FBXO25: variants seen among roughly 807,000 people sequenced by gnomAD.
The protein encoded by FBXO25 is F-box only protein 25.
FBXO25 carries 45 observed loss-of-function variants against 51.9 expected under a neutral mutation model. That is an observed-to-expected ratio of 0.87 (90% CI 0.68 to 1.11). The LOEUF is 1.11. Ranked by LOEUF, FBXO25 falls within the 50% of genes most tolerant of loss-of-function variation. The pLI, the probability that FBXO25 is intolerant of heterozygous loss-of-function variation, is 0.00. For synonymous variants in FBXO25, 199 were observed against 151.0 expected, an observed-to-expected ratio of 1.32 and a Z score of -2.33; for missense variants, 507 against 428.5, an observed-to-expected ratio of 1.18 and a Z score of -1.62.
At chr8:439,471 A>T (rs1585051705) in intron 5 of FBXO25, among the ~76,000 whole-genome samples, 4 of 152,260 alleles carry the variant, frequency 2.6e-5, no homozygotes, top group African/African-American at 9.6e-5. Context: ...TGGTTATTTG[A>T]TAAATTATCT....
chr8:455,708 C>CA (rs1393644224), intron 7 of FBXO25, among the ~76,000 whole-genome samples: 3 of 152,182 alleles, frequency 2.0e-5, no homozygotes, highest in African/African-American at 7.2e-5. Flanking sequence ...GCAAGAGAAG[C>CA]AGCAGCATCG....
At chr8:431,858 T>A (rs1326559247) in intron 3 of FBXO25, among the ~76,000 whole-genome samples, 1 of 152,122 alleles carries the variant, frequency 6.6e-6, no homozygotes, top group Non-Finnish European at 1.5e-5. Context: ...GACCTATCTA[T>A]GTGAGGGCAT....
chr8:462,785 A>G (rs931741242), intron 8 of FBXO25, among the ~76,000 whole-genome samples: 3 of 152,148 alleles, frequency 2.0e-5, no homozygotes, highest in African/African-American at 7.2e-5. Flanking sequence ...GAAACACTAC[A>G]TGTTGGGTCA....
chr8:418,463 C>T (rs1360582808), intron 2 of FBXO25, among the ~76,000 whole-genome samples: 2 of 151,186 alleles, frequency 1.3e-5, no homozygotes, highest in Admixed American at 1.3e-4. Context: ...CCTCAGCCTC[C>T]TGAGTAGCTG....
intron 8 of FBXO25, among the ~76,000 whole-genome samples, chr8:462,244 T>C (rs1400729587): frequency 6.6e-6 from 1 of 152,238 alleles, no homozygotes; most frequent in Non-Finnish European, 1.5e-5. Flanking sequence ...TTCTAGAGCA[T>C]CTTTTCATGA....
At chr8:442,206 CTTG>C (rs1335647719) in intron 5 of FBXO25, among the ~76,000 whole-genome samples, 1 of 151,996 alleles carries the variant, frequency 6.6e-6, no homozygotes. Flanking sequence ...GTAGTAGGCA[CTTG>C]TTATTCCTAA....
rs749129899 is a variant in FBXO25 at position 477,313 on chromosome 8, A to G, written c.*8509A>G. 1.3e-5 allele frequency: 2 copies of G among 152,036 alleles called. No homozygotes were observed. The highest frequency in any genetic ancestry group is 1.9e-4 in the East Asian group (1 of 5,188). 9.4% of individuals were successfully genotyped at this position (152,036 alleles called of 1,614,324 possible). A position where few individuals can be genotyped will look rare whatever the true frequency, so the allele number is the denominator to read the frequency against. ...CTGTTCAAGTTCTGTCTTGCGACTG[A>G]TCTTCTGTCTGGTTGTCCTATCCGT... On this transcript the variant is annotated 3_prime_UTR_variant, in exon 10 of 10. Coordinates refer to ENST00000350302, the MANE Select transcript of FBXO25 (RefSeq NM_183420.2).
intron 2 of FBXO25, among the ~76,000 whole-genome samples, chr8:414,327 C>G (rs918708422): frequency 5.9e-5 from 9 of 151,970 alleles, no homozygotes; most frequent in Admixed American, 2.0e-4. Flanking sequence ...TTTTTACTAT[C>G]TTATAATTTT....
intron 7 of FBXO25, among the ~76,000 whole-genome samples, chr8:455,905 C>G (rs1204260937): frequency 1.3e-5 from 2 of 152,242 alleles, no homozygotes; most frequent in African/African-American, 4.8e-5. Flanking sequence ...GCGACACCCT[C>G]TTGTTATAGC....
intron 2 of FBXO25, among the ~76,000 whole-genome samples, chr8:420,081 C>G (rs970403793): frequency 2.0e-5 from 3 of 152,010 alleles, no homozygotes; most frequent in African/African-American, 7.2e-5. Flanking sequence ...GCAAGCAATC[C>G]GGAAGGTAAA....
At chr8:440,541 C>T (rs1259302728) in intron 5 of FBXO25, among the ~76,000 whole-genome samples, 1 of 151,972 alleles carries the variant, frequency 6.6e-6, no homozygotes, top group Non-Finnish European at 1.5e-5. Context: ...TGATTTTCCT[C>T]TGATGTAAAT....
chr8:448,515 C>G (rs979015307), intron 5 of FBXO25, among the ~76,000 whole-genome samples: 1 of 152,190 alleles, frequency 6.6e-6, no homozygotes, highest in Non-Finnish European at 1.5e-5. Flanking sequence ...TCTTTTGTAT[C>G]CAGTCTGCAA....
chr8:461,124 A>G (rs1350923711), intron 8 of FBXO25, among the ~76,000 whole-genome samples: 1 of 152,118 alleles, frequency 6.6e-6, no homozygotes, highest in Non-Finnish European at 1.5e-5. Context: ...ATACACATTA[A>G]TTTCGCTAGC....
chr8:426,905 A>T (rs1462286225), intron 2 of FBXO25, among the ~76,000 whole-genome samples: 1 of 152,158 alleles, frequency 6.6e-6, no homozygotes, highest in African/African-American at 2.4e-5. Flanking sequence ...TTAGATATTT[A>T]GGAAGGAAAT....
chr8:431,879 C>T (rs892761599), intron 3 of FBXO25, among the ~76,000 whole-genome samples: 37 of 152,128 alleles, frequency 2.4e-4, no homozygotes, highest in African/African-American at 8.2e-4. Context: ...AGAGCTCTAT[C>T]ATGCAGCATA....
intron 2 of FBXO25, among the ~76,000 whole-genome samples, chr8:417,031 C>G (rs1028258722): frequency 2.0e-5 from 3 of 152,198 alleles, no homozygotes; most frequent in African/African-American, 7.2e-5. Flanking sequence ...AGGGCAGGGC[C>G]TCCCCGGCAG....
intron 7 of FBXO25, among the ~76,000 whole-genome samples, chr8:455,593 TA>T (rs1342486455): frequency 6.6e-6 from 1 of 152,248 alleles, no homozygotes; most frequent in South Asian, 2.1e-4. Flanking sequence ...TTTTTCTGTG[TA>T]AAATAGAATG....
Position 455,668 on chromosome 8 carries a change from G to A in FBXO25, c.661-2701G>A, listed in dbSNP as rs181924521. Among the ~76,000 whole-genome samples, 57 of 152,310 alleles carry A rather than the reference G, an allele frequency of 3.7e-4. No homozygotes were observed. In the East Asian group the frequency reaches 7.9e-3, roughly 21 times the overall value. The stretch of plus-strand genomic sequence containing the variant: ...CACAGAGAAGTGGGAATCATTGACA[G>A]TTGCATGCAATAGCTGAGACTATCC... On this transcript the variant is annotated intron_variant, in intron 7 of 9. Transcript: ENST00000350302.
At chr8:452,955 C>G (rs937520577) in intron 7 of FBXO25, among the ~76,000 whole-genome samples, 4 of 151,840 alleles carry the variant, frequency 2.6e-5, no homozygotes, top group African/African-American at 4.9e-5. Flanking sequence ...GGGAGAGGCA[C>G]GGGCTGAGGG....
Sources: gnomAD v4.1 joint callset for allele counts (sites outside exome capture counted in the v4.1 genomes callset) on GRCh38, gnomAD v4.1.1 for gene constraint, MANE v1.5 for transcripts, NCBI Gene and HGNC (gene_info 2026-07-23, HGNC 2026-07-21) for gene names.